The following SLC4A10 variants were observed in gnomAD, a reference collection of about 807,000 sequenced individuals.
SLC4A10 encodes the protein sodium-driven chloride bicarbonate exchanger.
In SLC4A10, 42 loss-of-function variants were observed where a neutral mutation model predicts 137.7. The ratio of observed to expected loss-of-function variants is 0.30; its 90% confidence interval spans 0.24 to 0.39. The LOEUF is 0.39. SLC4A10 is among the 10% of genes least tolerant of loss of function. The probability of loss-of-function intolerance (pLI) is 1.00; values close to 1 mark genes in which losing one functional copy is unlikely to be tolerated. For synonymous variants in SLC4A10, 474 were observed against 464.1 expected (o/e 1.02, Z -0.27); for missense variants, 925 against 1,355.0 (o/e 0.68, Z 4.98).
intron 16 of SLC4A10, among the ~76,000 whole-genome samples, chr2:161,947,179 A>G (rs1693973425): frequency 6.6e-6 from 1 of 152,144 alleles, no homozygotes; most frequent in African/African-American, 2.4e-5. Flanking sequence ...AAAGTAATTT[A>G]AATGATGTAT....
chr2:161,746,812 G>A (rs1259621582), intron 1 of SLC4A10, among the ~76,000 whole-genome samples: 2 of 152,136 alleles, frequency 1.3e-5, no homozygotes, highest in Non-Finnish European at 2.9e-5. Context: ...TGAATTCCAG[G>A]TCTGGGTCCT....
chr2:161,707,770 TAGA>T (rs933866663), intron 1 of SLC4A10, among the ~76,000 whole-genome samples: 25 of 151,630 alleles, frequency 1.6e-4, no homozygotes, highest in African/African-American at 5.3e-4. Context: ...GTAAATTCTT[TAGA>T]AGAAGATATT....
chr2:161,655,821 T>A (rs1236977676), intron 1 of SLC4A10, among the ~76,000 whole-genome samples: 1 of 151,622 alleles, frequency 6.6e-6, no homozygotes, highest in South Asian at 2.1e-4. Flanking sequence ...ATTCTTCTTT[T>A]TTTTTTTTTT....
At chr2:161,913,541 C>T (rs1686366585) in intron 15 of SLC4A10, among the ~76,000 whole-genome samples, 1 of 152,158 alleles carries the variant, frequency 6.6e-6, no homozygotes, top group East Asian at 1.9e-4. Context: ...TCATACTTCA[C>T]CAAAGTTTTA....
chr2:161,785,808 C>G (rs2053560175), intron 2 of SLC4A10, among the ~76,000 whole-genome samples: 1 of 151,884 alleles, frequency 6.6e-6, no homozygotes, highest in Non-Finnish European at 1.5e-5. Flanking sequence ...CTTGCTACTT[C>G]CATTCAACAT....
chr2:161,664,540 A>T (rs1298330358), intron 1 of SLC4A10, among the ~76,000 whole-genome samples: 1 of 151,882 alleles, frequency 6.6e-6, no homozygotes, highest in East Asian at 1.9e-4. Flanking sequence ...CTATGGCATC[A>T]TTGCTAGACT....
chr2:161,772,834 G>A (rs1489132966), intron 2 of SLC4A10, among the ~76,000 whole-genome samples: 1 of 151,810 alleles, frequency 6.6e-6, no homozygotes, highest in African/African-American at 2.4e-5. Context: ...AGATGCTATT[G>A]AGGGTTCTGT....
chr2:161,920,173 C>G (rs1041792621), intron 15 of SLC4A10, among the ~76,000 whole-genome samples: 2 of 152,238 alleles, frequency 1.3e-5, no homozygotes, highest in Admixed American at 1.3e-4. Context: ...TGAGCACAAC[C>G]TGCCAGGCCT....
chr2:161,951,271 C>T (rs1446016713), intron 19 of SLC4A10, among the ~76,000 whole-genome samples: 1 of 152,126 alleles, frequency 6.6e-6, no homozygotes, highest in Non-Finnish European at 1.5e-5. Context: ...AACTATTTCT[C>T]ATTTTCTTTA....
At chr2:161,689,322 C>G (rs1018975700) in intron 1 of SLC4A10, among the ~76,000 whole-genome samples, 1 of 152,132 alleles carries the variant, frequency 6.6e-6, no homozygotes, top group Non-Finnish European at 1.5e-5. Flanking sequence ...GTCCTGCAAG[C>G]TCCGTTCACA....
intron 3 of SLC4A10, among the ~76,000 whole-genome samples, chr2:161,822,500 A>T (rs561799562): frequency 3.2e-4 from 49 of 152,258 alleles, no homozygotes; most frequent in African/African-American, 1.2e-3. Context: ...GCTTTTTTTT[A>T]AATGGCTATT....
intron 2 of SLC4A10, among the ~76,000 whole-genome samples, chr2:161,772,174 T>A (rs2051702327): frequency 6.6e-6 from 1 of 151,906 alleles, no homozygotes; most frequent in African/African-American, 2.4e-5. Context: ...GCTATCCACA[T>A]TCATTACATA....
At chr2:161,681,137 T>C (rs1177118768) in intron 1 of SLC4A10, among the ~76,000 whole-genome samples, 1 of 152,142 alleles carries the variant, frequency 6.6e-6, no homozygotes, top group Non-Finnish European at 1.5e-5. Context: ...ATTCTCATTA[T>C]CACTTACTAT....
Position 161,872,078 on chromosome 2 carries a change from A to G in SLC4A10, c.767-215A>G, listed in dbSNP as rs547963832. Among the ~76,000 whole-genome samples the G allele has an allele frequency of 3.0e-3, 457 of 152,218 alleles. 1 individual carries two copies. Among genetic ancestry groups the G allele is most frequent in the African/African-American group, 0.01 (436 of 41,558 alleles). Reference sequence around the variant, plus strand: ...TCTTTTAGAGTTTTTATCTGAAAATATGTTTATTTTTTACTGAATTCTCCC... The same window carrying G: ...TCTTTTAGAGTTTTTATCTGAAAATGTGTTTATTTTTTACTGAATTCTCCC... On this transcript the variant is annotated intron_variant, in intron 6 of 26. Transcript: ENST00000446997.
chr2:161,975,811 C>G (rs1575961633), intron 24 of SLC4A10, among the ~76,000 whole-genome samples: 1 of 152,282 alleles, frequency 6.6e-6, no homozygotes, highest in East Asian at 1.9e-4. Context: ...AGGACAAGGC[C>G]CCCAGGCAGC....
chr2:161,677,280 C>A (rs990264707), intron 1 of SLC4A10, among the ~76,000 whole-genome samples: 11 of 152,280 alleles, frequency 7.2e-5, no homozygotes, highest in South Asian at 2.1e-4. Context: ...AGCCTGGATA[C>A]CTCACTGGAA....
intron 1 of SLC4A10, among the ~76,000 whole-genome samples, chr2:161,699,106 G>A (rs780903543): frequency 2.0e-5 from 3 of 152,124 alleles, no homozygotes; most frequent in Non-Finnish European, 2.9e-5. Context: ...TGCAAGCTAC[G>A]CGTCCTGGGT....
At chr2:161,963,847 G>T (rs1697142107) in intron 21 of SLC4A10, among the ~76,000 whole-genome samples, 1 of 152,108 alleles carries the variant, frequency 6.6e-6, no homozygotes, top group Non-Finnish European at 1.5e-5. Context: ...GCTTCACAGG[G>T]CTCCACTCTT....
chr2:161,944,536 A>C (rs535281923), intron 16 of SLC4A10, among the ~76,000 whole-genome samples: 48 of 151,908 alleles, frequency 3.2e-4, no homozygotes, highest in African/African-American at 1.1e-3. Flanking sequence ...GTCAAGTAGA[A>C]TAGTGAAAAA....
Sources: allele counts gnomAD v4.1 joint callset (sites outside exome capture counted in the v4.1 genomes callset), GRCh38; gene constraint gnomAD v4.1.1; transcripts MANE v1.5; gene names NCBI Gene and HGNC (gene_info 2026-07-23, HGNC 2026-07-21).